RAB2A: variants seen among roughly 807,000 people sequenced by gnomAD.
RAB2A encodes ras-related protein Rab-2A.
A neutral mutation model predicts 32.5 loss-of-function variants in RAB2A; 7 were observed. The observed-to-expected ratio is 0.22, with a 90% CI of 0.12 to 0.40. The LOEUF (loss-of-function observed/expected upper bound fraction) is 0.40. Ranked by LOEUF, RAB2A falls within the 10% of genes least tolerant of loss-of-function variation. The pLI is 1.00. For synonymous variants in RAB2A, 79 were observed against 85.2 expected (o/e 0.93, Z 0.40); for missense variants, 108 against 260.7 (o/e 0.41, Z 4.03).
rs72648589 is a variant in RAB2A, at chr8:60,540,515, C to G, written c.47-18337C>G. On this transcript the variant is annotated intron_variant, in intron 1 of 7. Coordinates refer to ENST00000262646, the MANE Select transcript of RAB2A (RefSeq NM_002865.3). The stretch of plus-strand genomic sequence containing the variant: ...TCTTCTTTTTGAGACAGTCTCTCTC[C>G]GTCGCTCAGGCTGAAGTGCAATGGC... Among the ~76,000 whole-genome samples the G allele has an allele frequency of 6.2e-3, 948 of 152,142 alleles. 10 individuals are homozygous for G. The highest frequency in any genetic ancestry group is 0.021 in the African/African-American group (865 of 41,524).
intron 1 of RAB2A, among the ~76,000 whole-genome samples, chr8:60,526,055 A>ATATATATAAAGTTTTCTG (rs1554550797): frequency 1.0e-5 from 1 of 100,074 alleles, no homozygotes; most frequent in African/African-American, 3.7e-5. Context: ...ATATATATAT[A>ATATATATAAAGTTTTCTG]TAAGTTTTCT....
At position 60,621,691 on chromosome 8, in the gene RAB2A, T is replaced by C. The variant is rs1804529655; in HGVS notation, c.*922T>C. 1.3e-5 allele frequency: 2 copies of C among 152,226 alleles called. No homozygotes were observed. Among genetic ancestry groups the C allele is most frequent in the South Asian group, 4.1e-4 (2 of 4,834 alleles). 9.4% of individuals were successfully genotyped at this position (152,226 alleles called of 1,614,324 possible). ...TCTTTCCTTAAACACAATAATGTTT[T>C]CTTTTTTCTTTTATTCACATGATTT... On this transcript the variant is annotated 3_prime_UTR_variant, in exon 8 of 8. Coordinates refer to ENST00000262646, the MANE Select transcript of RAB2A (RefSeq NM_002865.3).
rs1218890708 is a variant in RAB2A, at chr8:60,517,034, G to A, written c.-174G>A. On this transcript the variant is annotated 5_prime_UTR_variant, in exon 1 of 8. In the 5' UTR this introduces an upstream ATG that the reference lacks. Transcript: ENST00000262646. ...GGCGCTGTCTCCCTCGGCTCTGCGG[G>A]TGTCAGTTCGTCCGGCTTCCTCACA... 8 of 542,696 alleles carry A rather than the reference G, an allele frequency of 1.5e-5. No homozygotes were observed. Among genetic ancestry groups the A allele is most frequent in the Admixed American group, 4.4e-5 (1 of 22,988 alleles). The allele number at this position is 542,696 out of a possible 1,614,324, so 33.6% of individuals were successfully genotyped here.
intron 1 of RAB2A, among the ~76,000 whole-genome samples, chr8:60,544,549 T>G (rs1450195568): frequency 7.2e-6 from 1 of 139,262 alleles, no homozygotes; most frequent in Non-Finnish European, 1.5e-5. Context: ...TTTTCCCTAG[T>G]GCCTTTTTTT....
intron 2 of RAB2A, among the ~76,000 whole-genome samples, chr8:60,568,847 G>A (rs536864733): frequency 7.9e-5 from 12 of 152,080 alleles, no homozygotes; most frequent in Non-Finnish European, 2.9e-5. Flanking sequence ...GGAAGAGGGC[G>A]TCAAAGGCAT....
intron 1 of RAB2A, among the ~76,000 whole-genome samples, chr8:60,546,891 C>CTTTTTTTTTTTTTTTTTT (rs6150606): frequency 1.0e-5 from 1 of 98,948 alleles, no homozygotes. Context: ...TTTTTTGGGT[C>CTTTTTTTTTTTTTTTTTT]TTTTTTTTTT....
At chr8:60,572,348 T>C (rs1018151124) in intron 3 of RAB2A, among the ~76,000 whole-genome samples, 3 of 152,190 alleles carry the variant, frequency 2.0e-5, no homozygotes, top group African/African-American at 7.2e-5. Flanking sequence ...GTTCACGTTA[T>C]GTGGTCTAAA....
At chr8:60,588,063 A>G (rs1363519498) in intron 5 of RAB2A, among the ~76,000 whole-genome samples, 1 of 152,192 alleles carries the variant, frequency 6.6e-6, no homozygotes, top group Non-Finnish European at 1.5e-5. Flanking sequence ...GCTTCAGCCT[A>G]GGAGTTTGAG....
At position 60,525,943 on chromosome 8, in the gene RAB2A, CTATATATGTA is replaced by C. The variant is rs1159706677; in HGVS notation, c.46+8696_46+8705del. 4.6e-5 allele frequency among the ~76,000 whole-genome samples: 6 copies of C among 131,346 alleles called. No individual in the cohort carries two copies. The East Asian group carries it at 1.3e-3, about 28-fold the overall frequency. 86.2% of individuals were successfully genotyped at this position (131,346 alleles called of 152,430 possible). A position where few individuals can be genotyped will look rare whatever the true frequency, so the allele number is the denominator to read the frequency against. On this transcript the variant is annotated intron_variant, in intron 1 of 7. Transcript: ENST00000262646. ...AGAGAATAAAGATATATATATATGT[CTATATATGTA>C]TATATGTATATATATGTCTATATGT...
intron 6 of RAB2A, among the ~76,000 whole-genome samples, chr8:60,603,113 G>A (rs1478368532): frequency 6.6e-6 from 1 of 152,208 alleles, no homozygotes. Flanking sequence ...TTTATAATCT[G>A]TTGAGAATTA....
In RAB2A at chr8:60,517,599, G is replaced by A. The variant is rs1488920914; in HGVS notation, c.46+346G>A. Reference sequence around the variant, plus strand: ...GCACCCCACCCCCAGGGCCCCTTGCGTTAGGTCTCTTCGCGGCCCCAGGAA... The same window carrying A: ...GCACCCCACCCCCAGGGCCCCTTGCATTAGGTCTCTTCGCGGCCCCAGGAA... On this transcript the variant is annotated intron_variant, in intron 1 of 7. Coordinates refer to ENST00000262646, the MANE Select transcript of RAB2A (RefSeq NM_002865.3). Among the ~76,000 whole-genome samples, 4 of 152,078 alleles carry A rather than the reference G, an allele frequency of 2.6e-5. No homozygotes were observed. In the East Asian group the frequency reaches 7.7e-4, roughly 29 times the overall value.
chr8:60,617,633 C>T (rs1171996594), intron 6 of RAB2A, among the ~76,000 whole-genome samples: 1 of 152,134 alleles, frequency 6.6e-6, no homozygotes, highest in African/African-American at 2.4e-5. Context: ...GTAGTCCCAG[C>T]TACTCAGGAG....
At chr8:60,573,484 A>G (rs1808225710) in intron 3 of RAB2A, among the ~76,000 whole-genome samples, 2 of 152,140 alleles carry the variant, frequency 1.3e-5, no homozygotes, top group Admixed American at 6.5e-5. Flanking sequence ...GTTTTCCCTT[A>G]AATGATAACC....
intron 1 of RAB2A, among the ~76,000 whole-genome samples, chr8:60,522,702 G>A (rs1362028633): frequency 6.6e-6 from 1 of 152,036 alleles, no homozygotes; most frequent in Non-Finnish European, 1.5e-5. Flanking sequence ...AGAAGGGGAG[G>A]TAAGGAGCAA....
At chr8:60,548,788 CCCAGACGGGGCGGCTGG>C (rs1051518298) in intron 1 of RAB2A, among the ~76,000 whole-genome samples, 1 of 144,736 alleles carries the variant, frequency 6.9e-6, no homozygotes, top group African/African-American at 2.7e-5. Flanking sequence ...CCACCTCCCT[CCCAGACGGGGCGGCTGG>C]CCGGGCGGGG....
intron 2 of RAB2A, among the ~76,000 whole-genome samples, chr8:60,562,324 G>A (rs1429022375): frequency 6.6e-6 from 1 of 152,140 alleles, no homozygotes; most frequent in Non-Finnish European, 1.5e-5. Flanking sequence ...TTCATAATCA[G>A]GATTAGTCCT....
intron 1 of RAB2A, among the ~76,000 whole-genome samples, chr8:60,531,415 GC>G (rs1352570218): frequency 6.6e-6 from 1 of 152,138 alleles, no homozygotes; most frequent in African/African-American, 2.4e-5. Flanking sequence ...AAAACCAATA[GC>G]AATGCCTGGA....
intron 1 of RAB2A, among the ~76,000 whole-genome samples, chr8:60,545,087 T>G (rs767795357): frequency 2.0e-5 from 3 of 152,102 alleles, no homozygotes; most frequent in Non-Finnish European, 4.4e-5. Flanking sequence ...TGGCTTGTGG[T>G]TGTAAAAATA....
chr8:60,603,908 A>T (rs1438114507), intron 6 of RAB2A, among the ~76,000 whole-genome samples: 1 of 152,150 alleles, frequency 6.6e-6, no homozygotes. Flanking sequence ...AAAAGAAAAG[A>T]AGAAAGAAAA....
Sources: gnomAD v4.1 joint callset for allele counts (sites outside exome capture counted in the v4.1 genomes callset) on GRCh38, gnomAD v4.1.1 for gene constraint, MANE v1.5 for transcripts, NCBI Gene and HGNC (gene_info 2026-07-23, HGNC 2026-07-21) for gene names.